Variants in STPG2 observed in about 807,000 individuals in gnomAD.
STPG2 encodes the protein sperm tail PG-rich repeat containing 2.
STPG2 carries 56 observed loss-of-function variants against 54.2 expected under a neutral mutation model. The observed-to-expected ratio is 1.03, with a 90% CI of 0.83 to 1.29. STPG2 has a LOEUF of 1.29. Among genes scored for constraint, STPG2 ranks in the 50% most tolerant of loss-of-function variants. The pLI, the probability that STPG2 is intolerant of heterozygous loss-of-function variation, is 0.00. For missense variants in STPG2, 596 were observed against 544.9 expected (o/e 1.09, Z -0.93); for synonymous variants, 200 against 181.8 (o/e 1.10, Z -0.81).
chr4:97,777,835 C>T (rs1369165653), intron 9 of STPG2, among the ~76,000 whole-genome samples: 1 of 152,160 alleles, frequency 6.6e-6, no homozygotes, highest in African/African-American at 2.4e-5. Flanking sequence ...AACCATTCTA[C>T]TTTATTTCTC....
At chr4:97,545,809 C>T (rs1578378391) in intron 4 of STPG2, among the ~76,000 whole-genome samples, 1 of 151,982 alleles carries the variant, frequency 6.6e-6, no homozygotes, top group East Asian at 1.9e-4. Context: ...AAAGGCAAAG[C>T]ACATTTGAAA....
chr4:97,791,745 T>C (rs938567850), intron 9 of STPG2, among the ~76,000 whole-genome samples: 9 of 152,142 alleles, frequency 5.9e-5, no homozygotes, highest in Non-Finnish European at 1.0e-4. Flanking sequence ...AACTATTTTA[T>C]GATGATCTCA....
intron 9 of STPG2, among the ~76,000 whole-genome samples, chr4:97,781,059 G>T (rs1196506481): frequency 6.6e-6 from 1 of 152,072 alleles, no homozygotes; most frequent in African/African-American, 2.4e-5. Context: ...AAAGCTAGCA[G>T]AAGGCAAGAA....
chr4:97,786,603 G>A (rs1726831509), intron 9 of STPG2, among the ~76,000 whole-genome samples: 1 of 152,080 alleles, frequency 6.6e-6, no homozygotes, highest in Admixed American at 6.6e-5. Flanking sequence ...ATTATACACT[G>A]TTCGGAGTAG....
intron 10 of STPG2, among the ~76,000 whole-genome samples, chr4:97,600,608 T>G (rs1427964416): frequency 6.6e-6 from 1 of 152,108 alleles, no homozygotes; most frequent in African/African-American, 2.4e-5. Flanking sequence ...CAGATAATAT[T>G]TATCTGTGGA....
chr4:97,452,617 A>T lies in STPG2; in HGVS notation c.462+260082T>A, dbSNP rs951631400. 2.0e-5 allele frequency among the ~76,000 whole-genome samples: 3 copies of T among 152,178 alleles called. No individual in the cohort carries two copies. In the East Asian group the frequency reaches 5.8e-4, roughly 29 times the overall value. ...AGGAGCAACCCTTATTGTTGACAGC[A>T]GGAGACGTCAAGATGACCAACAGCA... On this transcript the variant is annotated intron_variant, in intron 4 of 4. Transcript: ENST00000522676.
chr4:97,964,085 C>G (rs556180691), intron 7 of STPG2, among the ~76,000 whole-genome samples: 63 of 152,188 alleles, frequency 4.1e-4, no homozygotes, highest in Middle Eastern at 3.4e-3. Context: ...TGCCCTACTT[C>G]AAGTTACAAA....
chr4:97,508,540 C>T (rs796360251), intron 4 of STPG2, among the ~76,000 whole-genome samples: 17 of 152,068 alleles, frequency 1.1e-4, no homozygotes, highest in African/African-American at 3.4e-4. Flanking sequence ...AATTAGATAA[C>T]ATTTTGGATT....
At chr4:97,774,542 G>A (rs1369570879) in intron 9 of STPG2, among the ~76,000 whole-genome samples, 3 of 151,886 alleles carry the variant, frequency 2.0e-5, no homozygotes, top group Non-Finnish European at 4.4e-5. Context: ...GGTTAGGTGA[G>A]GTTTACAGTA....
At chr4:97,458,866 A>G (rs1347037115) in intron 4 of STPG2, among the ~76,000 whole-genome samples, 1 of 152,272 alleles carries the variant, frequency 6.6e-6, no homozygotes, top group South Asian at 2.1e-4. Flanking sequence ...AGATTAAAGG[A>G]TATTAAAGGA....
chr4:98,108,144 A>G (rs1426317087), intron 4 of STPG2, among the ~76,000 whole-genome samples: 1 of 152,164 alleles, frequency 6.6e-6, no homozygotes, highest in African/African-American at 2.4e-5. Context: ...GCAAGAATTC[A>G]AACAATGTTT....
At chr4:97,525,843 T>C (rs976704204) in intron 4 of STPG2, among the ~76,000 whole-genome samples, 1 of 151,944 alleles carries the variant, frequency 6.6e-6, no homozygotes, top group Non-Finnish European at 1.5e-5. Flanking sequence ...GATGATGAGC[T>C]TTTTTTCATG....
At chr4:98,086,371 G>T (rs1738512765) in intron 5 of STPG2, among the ~76,000 whole-genome samples, 1 of 151,970 alleles carries the variant, frequency 6.6e-6, no homozygotes, top group Non-Finnish European at 1.5e-5. Flanking sequence ...CAGTGCTGAT[G>T]ACTTTAAATA....
At chr4:97,873,835 A>G (rs1220368648) in intron 8 of STPG2, among the ~76,000 whole-genome samples, 1 of 151,622 alleles carries the variant, frequency 6.6e-6, no homozygotes, top group Non-Finnish European at 1.5e-5. Context: ...TATTAAATAC[A>G]TGGAGCTATT....
intron 10 of STPG2, among the ~76,000 whole-genome samples, chr4:97,702,278 G>A (rs1723801964): frequency 6.6e-6 from 1 of 152,238 alleles, no homozygotes; most frequent in African/African-American, 2.4e-5. Context: ...TCCCCACTTA[G>A]TGGGCCCAAA....
At chr4:97,564,868 T>C (rs1234221566) in intron 10 of STPG2, among the ~76,000 whole-genome samples, 1 of 152,310 alleles carries the variant, frequency 6.6e-6, no homozygotes, top group East Asian at 1.9e-4. Flanking sequence ...CCGTTAACAT[T>C]TTTTCCTTCA....
intron 5 of STPG2, among the ~76,000 whole-genome samples, chr4:98,071,519 T>C (rs1738002639): frequency 6.6e-6 from 1 of 152,082 alleles, no homozygotes; most frequent in Admixed American, 6.6e-5. Context: ...GATTTCATGA[T>C]GAAAATGCCA....
intron 4 of STPG2, among the ~76,000 whole-genome samples, chr4:97,449,554 T>C (rs968296380): frequency 6.6e-6 from 1 of 152,210 alleles, no homozygotes; most frequent in African/African-American, 2.4e-5. Flanking sequence ...ACGAAATTAA[T>C]GGAAGTCACT....
rs1739278388 is a variant in STPG2 at position 98,109,280 on chromosome 4, T to C, written c.413A>G (p.Tyr138Cys). 5 of 1,605,214 alleles carry C rather than the reference T, an allele frequency of 3.1e-6. No individual in the cohort carries two copies. The highest frequency in any genetic ancestry group is 4.2e-6 in the Non-Finnish European group (5 of 1,176,614). ...QFDVSNATLK[Y>C]KGIHFGNSSG... is the part of the protein sequence containing the mutation. ...AGAGTTGCCAAAATGTATACCTTTG[T>C]ATTTCAAAGTTGCATTGGAAACATC... Residue 138 changes from tyrosine to cysteine, a missense_variant, in exon 4 of 11, where the codon TAC becomes TGC. By Grantham distance (194) the Tyr-to-Cys change is radical (BLOSUM62 -2). Coordinates refer to ENST00000295268, the MANE Select transcript of STPG2 (RefSeq NM_174952.3).
Sources: allele counts gnomAD v4.1 joint callset (sites outside exome capture counted in the v4.1 genomes callset), GRCh38; gene constraint gnomAD v4.1.1; transcripts MANE v1.5; gene names NCBI Gene and HGNC (gene_info 2026-07-23, HGNC 2026-07-21).